SLC14A2: variants seen among roughly 807,000 people sequenced by gnomAD.
The protein encoded by SLC14A2 is solute carrier family 14 member 2.
SLC14A2 carries 91 observed loss-of-function variants against 104.6 expected under a neutral mutation model. That is an observed-to-expected ratio of 0.87 (90% confidence interval 0.73 to 1.04). The LOEUF is 1.04. SLC14A2 is among the 50% of genes least tolerant of loss of function. SLC14A2 has a pLI of 0.00. For synonymous variants in SLC14A2, 476 were observed against 466.4 expected (o/e 1.02, Z -0.27); for missense variants, 1,189 against 1,156.0 (o/e 1.03, Z -0.41).
At chr18:45,487,421 G>C (rs1429901921) in intron 2 of SLC14A2, among the ~76,000 whole-genome samples, 1 of 152,178 alleles carries the variant, frequency 6.6e-6, no homozygotes, top group Admixed American at 6.5e-5. Context: ...AGTCCCTCTT[G>C]ACATATAAGG....
the SLC14A2 span, among the ~76,000 whole-genome samples, chr18:45,205,350 C>T: frequency 6.6e-6 from 1 of 152,188 alleles, no homozygotes; most frequent in Non-Finnish European, 1.5e-5. Flanking sequence ...ATGGGCTGGA[C>T]TGTTATTTTA....
In SLC14A2 at chr18:45,577,501, A is replaced by G. The variant is rs141626887; in HGVS notation, c.-34-47130A>G. ...GTTTTAAAACCAGCAATCTTTCATA[A>G]TAGAGTATTCACAAAATGTCATTTG... On this transcript the variant is annotated intron_variant, in intron 2 of 20. Coordinates refer to the SLC14A2 transcript ENST00000586448. Among the ~76,000 whole-genome samples, 18 of 152,296 alleles carry G rather than the reference A, an allele frequency of 1.2e-4. No homozygotes were observed. The East Asian group carries it at 3.1e-3, about 26-fold the overall frequency.
intron 1 of SLC14A2, among the ~76,000 whole-genome samples, chr18:45,448,081 C>A (rs2086798832): frequency 6.6e-6 from 1 of 152,224 alleles, no homozygotes; most frequent in Non-Finnish European, 1.5e-5. Context: ...GTGTTATCAG[C>A]ATACCTCAGC....
intron 1 of SLC14A2, among the ~76,000 whole-genome samples, chr18:45,343,830 T>C (rs1252726862): frequency 1.3e-5 from 2 of 152,124 alleles, no homozygotes; most frequent in African/African-American, 4.8e-5. Context: ...TCACCGCCTG[T>C]ACCAAATACA....
chr18:45,262,039 T>C lies in SLC14A2; in HGVS notation c.-125+48848T>C, dbSNP rs890569927. Among the ~76,000 whole-genome samples, 32 of 152,322 alleles carry C rather than the reference T, an allele frequency of 2.1e-4. 1 individual carries two copies. The highest frequency in any genetic ancestry group is 1.7e-3 in the Admixed American group (26 of 15,298). ...AGTCCCACCAACAGTGTAAAAGCATTCCTATTTCTCCACATCCTCTCCAGC... is the reference window on the plus strand; with the variant it reads ...AGTCCCACCAACAGTGTAAAAGCATCCCTATTTCTCCACATCCTCTCCAGC... On this transcript the variant is annotated intron_variant, in intron 1 of 20. Coordinates refer to the SLC14A2 transcript ENST00000586448.
rs80114609 is a variant in SLC14A2 at position 45,678,784 on chromosome 18, T to C, written c.2513-191T>C. On this transcript the variant is annotated intron_variant, in intron 18 of 19. Coordinates refer to ENST00000255226, the MANE Select transcript of SLC14A2 (RefSeq NM_007163.4). ...TAACAAGTTCATCTGCTGTCTTTGC[T>C]GCACCAGCATTTGCATGGAATTTAA... Among the ~76,000 whole-genome samples, 709 of 152,330 alleles carry C rather than the reference T, an allele frequency of 4.7e-3. 10 individuals carry two copies. Among genetic ancestry groups the C allele is most frequent in the African/African-American group, 0.015 (608 of 41,576 alleles).
intron 1 of SLC14A2, among the ~76,000 whole-genome samples, chr18:45,247,955 C>A (rs575414053): frequency 1.3e-5 from 2 of 152,214 alleles, no homozygotes; most frequent in Non-Finnish European, 2.9e-5. Context: ...AACATCCATG[C>A]CCTTCCAGCA....
chr18:45,519,694 G>A (rs1326816564), intron 2 of SLC14A2, among the ~76,000 whole-genome samples: 2 of 152,122 alleles, frequency 1.3e-5, no homozygotes, highest in Non-Finnish European at 1.5e-5. Context: ...ATCAAAAAGG[G>A]GCTAAGCCAA....
At chr18:45,623,005 G>A (rs1237453743) in intron 1 of SLC14A2, among the ~76,000 whole-genome samples, 1 of 152,134 alleles carries the variant, frequency 6.6e-6, no homozygotes, top group African/African-American at 2.4e-5. Context: ...TATCCCGGCT[G>A]GAATTTCACC....
At chr18:45,667,171 TG>T in intron 13 of SLC14A2, 77 bp downstream of exon 13, 1 of 1,212,548 alleles carries the variant, frequency 8.2e-7, no homozygotes, top group Non-Finnish European at 1.2e-6. Flanking sequence ...CCCATTGCCA[TG>T]GGGGTTCCCT....
Position 45,219,513 on chromosome 18 carries a change from C to T in SLC14A2, c.-125+6322C>T, listed in dbSNP as rs534572762. Among the ~76,000 whole-genome samples the T allele has an allele frequency of 2.0e-4, 31 of 152,102 alleles. No individual in the cohort carries two copies. In the South Asian group the frequency reaches 6.4e-3, roughly 32 times the overall value. On this transcript the variant is annotated intron_variant, in intron 1 of 20. Transcript: ENST00000586448. ...CTAGAGAGTAAGAGGAGGTGAAAGGCGAACGGTTATCAAAGCCATGAGTAA... is the reference window on the plus strand; with the variant it reads ...CTAGAGAGTAAGAGGAGGTGAAAGGTGAACGGTTATCAAAGCCATGAGTAA...
At chr18:45,473,483 T>C (rs192104603) in intron 1 of SLC14A2, among the ~76,000 whole-genome samples, 31,832 of 152,064 alleles carry the variant, frequency 0.21, 3,710 homozygotes, top group Non-Finnish European at 0.27. Context: ...GGCCATTTCA[T>C]AATATTGATT....
intron 1 of SLC14A2, among the ~76,000 whole-genome samples, chr18:45,326,050 G>A (rs561001539): frequency 6.6e-6 from 1 of 152,340 alleles, no homozygotes; most frequent in East Asian, 1.9e-4. Flanking sequence ...CAATGGCAGA[G>A]TTGCATTCAC....
chr18:45,220,313 C>T (rs1045770781), intron 1 of SLC14A2, among the ~76,000 whole-genome samples: 1 of 152,176 alleles, frequency 6.6e-6, no homozygotes, highest in African/African-American at 2.4e-5. Flanking sequence ...CTGAGGTAAA[C>T]ACCATCTAGA....
intron 2 of SLC14A2, among the ~76,000 whole-genome samples, chr18:45,588,602 C>T (rs2044601394): frequency 6.6e-6 from 1 of 152,198 alleles, no homozygotes; most frequent in Admixed American, 6.5e-5. Context: ...GAGGGTGTTA[C>T]TAAAACTCCT....
At chr18:45,453,847 G>GTTTTTT (rs56084837) in intron 1 of SLC14A2, among the ~76,000 whole-genome samples, 4 of 91,344 alleles carry the variant, frequency 4.4e-5, no homozygotes, top group African/African-American at 8.6e-5. Flanking sequence ...TTTCTTTTCT[G>GTTTTTT]TTTTTTTTTT....
intron 1 of SLC14A2, among the ~76,000 whole-genome samples, chr18:45,312,632 A>G (rs1290118176): frequency 6.6e-6 from 1 of 152,212 alleles, no homozygotes; most frequent in African/African-American, 2.4e-5. Flanking sequence ...CTTCATAAAT[A>G]GTGTGAATGG....
intron 1 of SLC14A2, among the ~76,000 whole-genome samples, chr18:45,414,974 C>T (rs1163204544): frequency 6.6e-6 from 1 of 151,514 alleles, no homozygotes; most frequent in East Asian, 1.9e-4. Context: ...CATGTTTAAC[C>T]TCTCCAAATT....
intron 1 of SLC14A2, among the ~76,000 whole-genome samples, chr18:45,228,662 T>C (rs561136639): frequency 1.3e-5 from 2 of 152,156 alleles, no homozygotes; most frequent in Non-Finnish European, 2.9e-5. Flanking sequence ...GCAGGGAAAC[T>C]AAAAGTTTAG....
Sources: allele counts gnomAD v4.1 joint callset (sites outside exome capture counted in the v4.1 genomes callset), GRCh38; gene constraint gnomAD v4.1.1; transcripts MANE v1.5; gene names NCBI Gene and HGNC (gene_info 2026-07-23, HGNC 2026-07-21).